Variants in CADPS observed in about 807,000 individuals in gnomAD.
CADPS encodes calcium-dependent secretion activator 1.
Under a neutral mutation model 167.3 loss-of-function variants are expected in CADPS, and 57 were observed. That is an observed-to-expected ratio of 0.34 (90% CI 0.28 to 0.42). The LOEUF (loss-of-function observed/expected upper bound fraction) is 0.42. Among genes scored for constraint, CADPS ranks in the 20% least tolerant of loss-of-function variants. The probability of loss-of-function intolerance (pLI) is 1.00; values close to 1 mark genes in which losing one functional copy is unlikely to be tolerated. For missense variants in CADPS, 1,414 were observed against 1,738.1 expected, an observed-to-expected ratio of 0.81 and a Z score of 3.32; for synonymous variants, 676 against 635.3, an observed-to-expected ratio of 1.06 and a Z score of -0.96.
At chr3:62,589,851 C>G (rs1470076620) in intron 7 of CADPS, among the ~76,000 whole-genome samples, 1 of 152,102 alleles carries the variant, frequency 6.6e-6, no homozygotes, top group African/African-American at 2.4e-5. Context: ...GCTTTGGTAG[C>G]CAGTCCAGAA....
chr3:62,738,521 C>A (rs768749334), intron 3 of CADPS, among the ~76,000 whole-genome samples: 3 of 152,022 alleles, frequency 2.0e-5, no homozygotes, highest in African/African-American at 7.2e-5. Context: ...GTCAGGAGAT[C>A]AAGATCAGCC....
chr3:62,445,003 A>C (rs915302411), intron 27 of CADPS, among the ~76,000 whole-genome samples: 3 of 152,132 alleles, frequency 2.0e-5, no homozygotes, highest in Non-Finnish European at 2.9e-5. Context: ...TTTCTTTTTC[A>C]CTTTACTGGA....
In CADPS at chr3:62,753,622, G is replaced by C; in HGVS notation, c.707C>G (p.Ser236Cys). Residue 236 changes from serine (S) to cysteine (C), a missense_variant, in exon 3 of 30, where the codon TCC (serine) becomes TGC (cysteine). Physicochemically the swap from Ser to Cys is moderately radical, Grantham distance 112. Transcript: ENST00000383710. This position sits in a 1 kb window ranked among gnomAD's most constrained non-coding sequence, Gnocchi z 4.6. ...GATGGCATCAAATTTGGCCATCCAG[G>C]AGCTCAGCACAGTCTCCTTGCTGAG... is the stretch of plus-strand genomic sequence containing the variant. ...DGLSKETVLSSWMAKFDAIYR... is the reference protein window; with the variant it reads ...DGLSKETVLSCWMAKFDAIYR... 6.2e-7 allele frequency: 1 copy of C among 1,614,116 alleles called. No individual in the cohort carries two copies. Among genetic ancestry groups the C allele is most frequent in the Non-Finnish European group, 8.5e-7 (1 of 1,180,032 alleles).
chr3:62,823,571 G>A (rs1471469184), intron 1 of CADPS, among the ~76,000 whole-genome samples: 1 of 152,130 alleles, frequency 6.6e-6, no homozygotes, highest in Non-Finnish European at 1.5e-5. Context: ...TTCAAAGAGG[G>A]GGAAAGATCA....
intron 3 of CADPS, among the ~76,000 whole-genome samples, chr3:62,703,362 G>A (rs2081764397): frequency 6.6e-6 from 1 of 152,058 alleles, no homozygotes; most frequent in Non-Finnish European, 1.5e-5. Flanking sequence ...AATGGAGAAT[G>A]GTCCTTAGTT....
chr3:62,691,742 A>T (rs1357098823), intron 3 of CADPS, among the ~76,000 whole-genome samples: 1 of 152,024 alleles, frequency 6.6e-6, no homozygotes, highest in African/African-American at 2.4e-5. Flanking sequence ...GAACACATGG[A>T]CACATAGCAG....
At chr3:62,667,920 T>C (rs905988973) in intron 3 of CADPS, among the ~76,000 whole-genome samples, 3 of 152,170 alleles carry the variant, frequency 2.0e-5, no homozygotes, top group African/African-American at 7.2e-5. Context: ...TCAAAGGGCC[T>C]GGGCCTGGAG....
intron 6 of CADPS, among the ~76,000 whole-genome samples, chr3:62,631,137 T>G (rs1365353661): frequency 6.6e-6 from 1 of 151,572 alleles, no homozygotes; most frequent in East Asian, 1.9e-4. Flanking sequence ...CACACACAAA[T>G]ATACACACAC....
chr3:62,816,993 A>G (rs989897370), intron 1 of CADPS, among the ~76,000 whole-genome samples: 8 of 152,096 alleles, frequency 5.3e-5, no homozygotes, highest in Admixed American at 1.3e-4. Context: ...CTCCACCTCA[A>G]CCTAGGAGGA....
intron 1 of CADPS, among the ~76,000 whole-genome samples, chr3:62,782,702 T>G (rs563583036): frequency 6.6e-6 from 1 of 152,104 alleles, no homozygotes; most frequent in South Asian, 2.1e-4. Context: ...CCTCGAAAAT[T>G]ATCTTTGGTG....
intron 3 of CADPS, among the ~76,000 whole-genome samples, chr3:62,670,008 G>T (rs1373634060): frequency 6.6e-6 from 1 of 152,116 alleles, no homozygotes; most frequent in Non-Finnish European, 1.5e-5. Flanking sequence ...GAGATAGAGG[G>T]AATAATCCTT....
rs1419343683 is a variant in CADPS at position 62,421,163 on chromosome 3, G to T, written c.3777+16941C>A. Among the ~76,000 whole-genome samples the T allele has an allele frequency of 6.6e-6, 1 of 152,134 alleles. No individual in the cohort carries two copies. The highest frequency in any genetic ancestry group is 1.5e-5 in the Non-Finnish European group (1 of 68,022). ...GAGAGTTAAATCATAAATTAGCCAT[G>T]AGTTAATACGTGAGGCCCGGATCAC... On this transcript the variant is annotated intron_variant, in intron 28 of 29. Coordinates refer to ENST00000383710, the MANE Select transcript of CADPS (RefSeq NM_003716.4). The surrounding 1 kb of genome is among the most constrained non-coding windows in gnomAD (Gnocchi z 4.7).
intron 7 of CADPS, among the ~76,000 whole-genome samples, chr3:62,586,007 A>G (rs988190537): frequency 2.3e-4 from 35 of 152,216 alleles, no homozygotes; most frequent in African/African-American, 7.2e-5. Flanking sequence ...GGTCTTCTGC[A>G]TCCATTCTTA....
intron 1 of CADPS, among the ~76,000 whole-genome samples, chr3:62,815,036 C>A (rs116827711): frequency 0.022 from 3,305 of 152,224 alleles, 56 homozygotes; most frequent in South Asian, 0.05. Context: ...GTCCTTTTTA[C>A]ATGTATATAG....
At chr3:62,779,517 G>A in intron 1 of CADPS, 1 of 536,968 alleles carries the variant, frequency 1.9e-6, no homozygotes. Flanking sequence ...AATCTTCTTG[G>A]CCCATCATGT....
chr3:62,586,770 A>G (rs771486148), intron 7 of CADPS, among the ~76,000 whole-genome samples: 1 of 152,218 alleles, frequency 6.6e-6, no homozygotes, highest in Non-Finnish European at 1.5e-5. Context: ...TTAGCCCAGT[A>G]TCTGTATACT....
At chr3:62,738,980 T>G (rs1222296734) in intron 3 of CADPS, among the ~76,000 whole-genome samples, 1 of 152,152 alleles carries the variant, frequency 6.6e-6, no homozygotes, top group Non-Finnish European at 1.5e-5. Context: ...TATGGTAGAT[T>G]CAAAAGTGGC....
chr3:62,559,740 C>T (rs915642147), intron 9 of CADPS, among the ~76,000 whole-genome samples: 5 of 151,948 alleles, frequency 3.3e-5, no homozygotes, highest in East Asian at 1.9e-4. Context: ...GTGATCTGCC[C>T]GCCTCAGCCT....
At chr3:62,769,867 C>A (rs930203155) in intron 1 of CADPS, among the ~76,000 whole-genome samples, 7 of 152,072 alleles carry the variant, frequency 4.6e-5, no homozygotes, top group Admixed American at 3.3e-4. Flanking sequence ...TTTCCCTAAG[C>A]CTTGGTTCCT....
Sources: gnomAD v4.1 joint callset for allele counts (sites outside exome capture counted in the v4.1 genomes callset) on GRCh38, gnomAD v4.1.1 for gene constraint, Gnocchi (gnomAD v3.1) non-coding constraint, MANE v1.5 for transcripts, NCBI Gene and HGNC (gene_info 2026-07-23, HGNC 2026-07-21) for gene names.